The following PCDHGA11 variants were observed in gnomAD, a reference collection of about 807,000 sequenced individuals.
The protein encoded by PCDHGA11 is protocadherin gamma subfamily A, 11, also known as protocadherin gamma-A11.
A neutral mutation model predicts 60.4 loss-of-function variants in PCDHGA11; 39 were observed. The ratio of observed to expected loss-of-function variants is 0.65; its 90% confidence interval spans 0.50 to 0.84. The LOEUF is 0.84. Ranked by LOEUF, PCDHGA11 falls within the 40% of genes least tolerant of loss-of-function variation. PCDHGA11 has a pLI of 0.00. For missense variants in PCDHGA11, 1,165 were observed against 1,197.7 expected, an observed-to-expected ratio of 0.97 and a Z score of 0.40; for synonymous variants, 533 against 510.3, an observed-to-expected ratio of 1.04 and a Z score of -0.60.
chr5:141,504,937 G>A (rs1350441435), intron 2 of PCDHGA11, among the ~76,000 whole-genome samples: 2 of 152,054 alleles, frequency 1.3e-5, no homozygotes, highest in East Asian at 1.9e-4. Context: ...GGTGGGTGGG[G>A]GAATGCACTA....
chr5:141,432,084 T>A lies in PCDHGA11; in HGVS notation c.2433+8424T>A, dbSNP rs1372151428. 1.2e-6 allele frequency: 2 copies of A among 1,614,186 alleles called. No individual in the cohort carries two copies. Among genetic ancestry groups the A allele is most frequent in the Admixed American group, 1.7e-5 (1 of 60,022 alleles). On this transcript the variant is annotated intron_variant, in intron 1 of 3. Transcript: ENST00000398587. This position sits in a 1 kb window ranked among gnomAD's most constrained non-coding sequence, Gnocchi z 6.0. Reference sequence around the variant, plus strand: ...ACGGAAACTCATATCTCGCTGAACGTGGCAGACACCAACGACAACCCGCCG... The same window carrying A: ...ACGGAAACTCATATCTCGCTGAACGAGGCAGACACCAACGACAACCCGCCG...
In PCDHGA11 at chr5:141,485,778, G is replaced by A. The variant is rs575586552; in HGVS notation, c.2434-9029G>A. On this transcript the variant is annotated intron_variant, in intron 1 of 3. Coordinates refer to ENST00000398587, the MANE Select transcript of PCDHGA11 (RefSeq NM_018914.3). The surrounding 1 kb of genome is among the most constrained non-coding windows in gnomAD (Gnocchi z 5.7). ...CTGCTCCTGGAGAAGCCTTTGGATC[G>A]AGAGAAGCAATCGGACTACCGCCTG... is the stretch of plus-strand genomic sequence containing the variant. The A allele has an allele frequency of 1.2e-6, 2 of 1,614,216 alleles. No individual in the cohort carries two copies. Among genetic ancestry groups the A allele is most frequent in the Admixed American group, 1.7e-5 (1 of 60,028 alleles).
At chr5:141,438,996 A>G (rs2098080427) in intron 1 of PCDHGA11, among the ~76,000 whole-genome samples, 1 of 151,634 alleles carries the variant, frequency 6.6e-6, no homozygotes, top group African/African-American at 2.4e-5. Flanking sequence ...AAGGCTAAGG[A>G]CCTGGTTTGT....
At chr5:141,496,262 C>G (rs934511905) in intron 2 of PCDHGA11, among the ~76,000 whole-genome samples, 3 of 152,158 alleles carry the variant, frequency 2.0e-5, no homozygotes, top group African/African-American at 7.2e-5. Flanking sequence ...GAAACTTCAG[C>G]AGAAAGACCT....
intron 1 of PCDHGA11, among the ~76,000 whole-genome samples, chr5:141,463,302 A>T (rs2099056422): frequency 6.6e-6 from 1 of 151,090 alleles, no homozygotes; most frequent in Non-Finnish European, 1.5e-5. Context: ...ATCTCCCCAA[A>T]CTCTAATATC....
intron 1 of PCDHGA11, among the ~76,000 whole-genome samples, chr5:141,474,243 G>GA (rs1161758975): frequency 2.6e-5 from 4 of 152,050 alleles, no homozygotes; most frequent in Admixed American, 1.3e-4. Context: ...CTGAATAGGG[G>GA]AAAAAAAGAC....
At chr5:141,472,980 C>CAAAAAAAAAAAAAAAAAAA (rs60579131) in intron 1 of PCDHGA11, among the ~76,000 whole-genome samples, 6 of 86,104 alleles carry the variant, frequency 7.0e-5, no homozygotes, top group African/African-American at 1.2e-4. Context: ...GAGTGAAACT[C>CAAAAAAAAAAAAAAAAAAA]AAAAAAAAAA....
chr5:141,422,932 C>G lies in PCDHGA11; in HGVS notation c.1705C>G (p.Pro569Ala). The G allele has an allele frequency of 6.2e-7, 1 of 1,614,252 alleles. No individual in the cohort carries two copies. The highest frequency in any genetic ancestry group is 8.5e-7 in the Non-Finnish European group (1 of 1,180,048). ...NAPEILYPALPTDGSTGVELA... is the reference protein window; with the variant it reads ...NAPEILYPALATDGSTGVELA... ...GCCCGAGATCCTGTACCCTGCCCTC[C>G]CCACAGACGGCTCCACTGGCGTGGA... Residue 569 changes from proline (P) to alanine (A), a missense_variant, in exon 1 of 4, where the codon CCC becomes GCC. Coordinates refer to ENST00000398587, the MANE Select transcript of PCDHGA11 (RefSeq NM_018914.3).
chr5:141,433,634 G>T (rs2097636752), intron 1 of PCDHGA11, among the ~76,000 whole-genome samples: 1 of 152,078 alleles, frequency 6.6e-6, no homozygotes, highest in Admixed American at 6.5e-5. Flanking sequence ...TTGGGAGTTT[G>T]AGACCAGCCT....
At chr5:141,435,503 A>G (rs2097767522) in intron 1 of PCDHGA11, among the ~76,000 whole-genome samples, 1 of 152,170 alleles carries the variant, frequency 6.6e-6, no homozygotes, top group Non-Finnish European at 1.5e-5. Context: ...TACACTAATG[A>G]TACTAATGAT....
At chr5:141,455,394 C>T (rs1034564159) in intron 1 of PCDHGA11, among the ~76,000 whole-genome samples, 2 of 152,004 alleles carry the variant, frequency 1.3e-5, no homozygotes, top group African/African-American at 4.8e-5. Context: ...AAGGAGCTCC[C>T]CCTTACAGAG....
intron 1 of PCDHGA11, among the ~76,000 whole-genome samples, chr5:141,445,834 T>G (rs1310067225): frequency 6.6e-6 from 1 of 152,218 alleles, no homozygotes; most frequent in Middle Eastern, 3.2e-3. Context: ...GGGAGAGCCT[T>G]GTAAATCACA....
In PCDHGA11 at chr5:141,490,028, G is replaced by A. The variant is rs752883792; in HGVS notation, c.2434-4779G>A. ...GCACCCATTGGTACTCTGCTGCTCC[G>A]CCTCAATGCCACTGATCCAGACGAG... On this transcript the variant is annotated intron_variant, in intron 1 of 3. Coordinates refer to ENST00000398587, the MANE Select transcript of PCDHGA11 (RefSeq NM_018914.3). The surrounding 1 kb of genome is among the most constrained non-coding windows in gnomAD (Gnocchi z 5.4). 20 of 1,614,070 alleles carry A rather than the reference G, an allele frequency of 1.2e-5. 1 individual carries two copies. Among genetic ancestry groups the A allele is most frequent in the South Asian group, 3.3e-5 (3 of 91,090 alleles).
At chr5:141,447,284 C>A (rs979564320) in intron 1 of PCDHGA11, among the ~76,000 whole-genome samples, 1 of 152,124 alleles carries the variant, frequency 6.6e-6, no homozygotes, top group African/African-American at 2.4e-5. Context: ...GGACTACAGG[C>A]ACATGCCACC....
intron 1 of PCDHGA11, chr5:141,426,709 A>G (rs1259104705): frequency 6.8e-6 from 3 of 443,800 alleles, no homozygotes; most frequent in South Asian, 3.1e-5. Flanking sequence ...TTACAAATCA[A>G]TGAACTAGCA....
intron 1 of PCDHGA11, chr5:141,441,578 C>T (rs889509502): frequency 2.9e-5 from 6 of 207,738 alleles, no homozygotes; most frequent in Non-Finnish European, 5.9e-5. Flanking sequence ...CCAACCTAGA[C>T]TTGGGACCCA....
chr5:141,447,328 C>T (rs546209008), intron 1 of PCDHGA11, among the ~76,000 whole-genome samples: 39 of 151,886 alleles, frequency 2.6e-4, no homozygotes, highest in Admixed American at 7.2e-4. Flanking sequence ...TTAGTAGAGA[C>T]GGGTTTCATC....
rs752401867 is a variant in PCDHGA11, at chr5:141,511,224, G to A, written c.*51G>A. On this transcript the variant is annotated 3_prime_UTR_variant, in exon 4 of 4. Transcript: ENST00000398587. ...GGGCGGCCTCTCCCCAACCAGCCCA[G>A]CTTCTCCTTACCTGCACCCAGGCCT... 1.2e-6 allele frequency: 2 copies of A among 1,603,276 alleles called. No homozygotes were observed.
At chr5:141,460,087 A>T (rs2098981724) in intron 1 of PCDHGA11, among the ~76,000 whole-genome samples, 1 of 152,008 alleles carries the variant, frequency 6.6e-6, no homozygotes, top group African/African-American at 2.4e-5. Flanking sequence ...AAAAAATAAT[A>T]ATTATACATG....
Sources: allele counts gnomAD v4.1 joint callset (sites outside exome capture counted in the v4.1 genomes callset), GRCh38; gene constraint gnomAD v4.1.1; non-coding constraint Gnocchi (gnomAD v3.1); transcripts MANE v1.5; gene names NCBI Gene and HGNC (gene_info 2026-07-23, HGNC 2026-07-21).